TCF7L2: variants seen among roughly 807,000 people sequenced by gnomAD.
The protein encoded by TCF7L2 is transcription factor 7 like 2.
A neutral mutation model predicts 77.9 loss-of-function variants in TCF7L2; 23 were observed. The observed-to-expected ratio is 0.30, with a 90% CI of 0.21 to 0.42. The LOEUF (loss-of-function observed/expected upper bound fraction) is 0.42, where lower values mean the gene tolerates loss of function less well. Among genes scored for constraint, TCF7L2 ranks in the 10% least tolerant of loss-of-function variants. The pLI is 1.00. For synonymous variants in TCF7L2, 413 were observed against 340.2 expected (o/e 1.21, Z -2.36); for missense variants, 654 against 793.1 (o/e 0.82, Z 2.11).
At chr10:113,097,597 G>C (rs758125402) in intron 5 of TCF7L2, among the ~76,000 whole-genome samples, 7 of 134,640 alleles carry the variant, frequency 5.2e-5, no homozygotes, top group Non-Finnish European at 9.3e-5. Flanking sequence ...AAGTTGCAGT[G>C]AGCCAAGACT....
chr10:113,102,720 A>C (rs1270990336), intron 5 of TCF7L2, among the ~76,000 whole-genome samples: 1 of 152,000 alleles, frequency 6.6e-6, no homozygotes, highest in Non-Finnish European at 1.5e-5. Flanking sequence ...GCACCTGGCC[A>C]TATCTGTATT....
intron 5 of TCF7L2, among the ~76,000 whole-genome samples, chr10:113,066,182 G>A (rs1429882605): frequency 1.3e-5 from 2 of 152,088 alleles, no homozygotes; most frequent in East Asian, 3.9e-4. Context: ...GGCTAACATG[G>A]TGAAACCCTG....
At chr10:113,162,486 C>A (rs1359134212) in intron 13 of TCF7L2, among the ~76,000 whole-genome samples, 1 of 151,870 alleles carries the variant, frequency 6.6e-6, no homozygotes, top group African/African-American at 2.4e-5. Flanking sequence ...CTTCAGAGAC[C>A]AGAATTTTAT....
At chr10:113,056,262 C>A (rs1485037325) in intron 5 of TCF7L2, among the ~76,000 whole-genome samples, 1 of 152,190 alleles carries the variant, frequency 6.6e-6, no homozygotes, top group Non-Finnish European at 1.5e-5. Context: ...AAATCCAGAC[C>A]TTTCTGACCA....
At chr10:113,129,554 T>C (rs1279509431) in intron 5 of TCF7L2, 1 of 1,012,246 alleles carries the variant, frequency 9.9e-7, no homozygotes, top group Non-Finnish European at 1.2e-6. Context: ...TGGACTTTTT[T>C]GTTTTTTATT....
At chr10:113,104,770 A>G (rs2062073746) in intron 5 of TCF7L2, among the ~76,000 whole-genome samples, 1 of 152,198 alleles carries the variant, frequency 6.6e-6, no homozygotes, top group African/African-American at 2.4e-5. Context: ...CTCAAGGAAC[A>G]CAATTCTACT....
In TCF7L2 at chr10:113,166,444, G is replaced by A. The variant is rs1361919938; in HGVS notation, c.*472G>A. On this transcript the variant is annotated 3_prime_UTR_variant, in exon 14 of 14. Transcript: ENST00000627217. ...ACCGTAAGGGCACCATGAATGCAGT[G>A]CCGTTACTTTTTTTTTTTTTTTCTG... The A allele has an allele frequency of 5.3e-6, 1 of 190,156 alleles. No individual in the cohort carries two copies. Among genetic ancestry groups the A allele is most frequent in the African/African-American group, 3.1e-5 (1 of 31,768 alleles). 11.8% of individuals were successfully genotyped at this position (190,156 alleles called of 1,614,324 possible). A position where few individuals can be genotyped will look rare whatever the true frequency, so the allele number is the denominator to read the frequency against.
At chr10:113,026,827 A>G (rs2049262811) in intron 4 of TCF7L2, among the ~76,000 whole-genome samples, 1 of 152,188 alleles carries the variant, frequency 6.6e-6, no homozygotes. Flanking sequence ...AGCCTGGGAA[A>G]CTTTCTTGCT....
At chr10:113,030,971 G>C (rs944579512) in intron 4 of TCF7L2, among the ~76,000 whole-genome samples, 7 of 152,132 alleles carry the variant, frequency 4.6e-5, no homozygotes, top group African/African-American at 1.4e-4. Context: ...TCCCTGTCTT[G>C]GGACTGCACC....
chr10:113,083,767 C>T (rs1047439560), intron 5 of TCF7L2, among the ~76,000 whole-genome samples: 1 of 152,126 alleles, frequency 6.6e-6, no homozygotes, highest in African/African-American at 2.4e-5. Context: ...CAGTTCAGTA[C>T]TTTGCTTTTT....
intron 4 of TCF7L2, among the ~76,000 whole-genome samples, chr10:113,011,998 CTT>C (rs1262186970): frequency 6.6e-6 from 1 of 152,066 alleles, no homozygotes; most frequent in Non-Finnish European, 1.5e-5. Flanking sequence ...AAGTATTGCT[CTT>C]GAGCGTTACT....
intron 11 of TCF7L2, among the ~76,000 whole-genome samples, chr10:113,157,466 C>T (rs930152783): frequency 6.6e-6 from 1 of 152,224 alleles, no homozygotes; most frequent in African/African-American, 2.4e-5. Flanking sequence ...TTCTATTTCA[C>T]CCTTTTCCCC....
At chr10:113,066,277 A>G (rs548989721) in intron 5 of TCF7L2, among the ~76,000 whole-genome samples, 1 of 152,168 alleles carries the variant, frequency 6.6e-6, no homozygotes, top group East Asian at 1.9e-4. Context: ...AGGCAGGAGA[A>G]TTGCTTGAAC....
chr10:113,006,568 G>T (rs1458496993), intron 4 of TCF7L2, among the ~76,000 whole-genome samples: 2 of 152,168 alleles, frequency 1.3e-5, no homozygotes, highest in African/African-American at 4.8e-5. Context: ...TCAAGATAAG[G>T]AACTTTTCTG....
At chr10:113,030,741 G>C (rs1264870010) in intron 4 of TCF7L2, among the ~76,000 whole-genome samples, 2 of 152,318 alleles carry the variant, frequency 1.3e-5, no homozygotes, top group South Asian at 2.1e-4. Context: ...GAGGGCAAGG[G>C]CTGCTCCTTT....
rs940570096 is a variant in TCF7L2 at position 113,118,673 on chromosome 10, T to G, written c.553-22511T>G. 9.0e-3 allele frequency among the ~76,000 whole-genome samples: 610 copies of G among 67,726 alleles called. 5 individuals are homozygous for G. Among genetic ancestry groups the G allele is most frequent in the African/African-American group, 0.038 (579 of 15,178 alleles). The allele number at this position is 67,726 out of a possible 152,430, so 44.4% of individuals were successfully genotyped here. ...TTTTTTGTTTTTTTTTGTTTTTTTT[T>G]TTTTGTTTTTTTTATTTTATTTTAT... On this transcript the variant is annotated intron_variant, in intron 5 of 13. Coordinates refer to ENST00000627217, the MANE Select transcript of TCF7L2 (RefSeq NM_001146274.2).
At chr10:113,140,158 A>G (rs2068089585) in intron 5 of TCF7L2, among the ~76,000 whole-genome samples, 1 of 152,102 alleles carries the variant, frequency 6.6e-6, no homozygotes, top group African/African-American at 2.4e-5. Flanking sequence ...CTCTCAGTAA[A>G]TGGCCCAGTA....
chr10:113,127,243 G>T (rs1564930663), intron 5 of TCF7L2, among the ~76,000 whole-genome samples: 2 of 139,980 alleles, frequency 1.4e-5, no homozygotes, highest in Admixed American at 7.1e-5. Context: ...GGGGTTTCGG[G>T]TTTTTTTTTT....
At chr10:113,023,901 G>A (rs771894269) in intron 4 of TCF7L2, among the ~76,000 whole-genome samples, 292 of 151,704 alleles carry the variant, frequency 1.9e-3, no homozygotes, top group Non-Finnish European at 3.0e-3. Context: ...CTTGTGATCC[G>A]CCCGCCTCGG....
Sources: gnomAD v4.1 joint callset for allele counts (sites outside exome capture counted in the v4.1 genomes callset) on GRCh38, gnomAD v4.1.1 for gene constraint, MANE v1.5 for transcripts, NCBI Gene and HGNC (gene_info 2026-07-23, HGNC 2026-07-21) for gene names.